Variants in MYBL2 observed in about 807,000 individuals in gnomAD.
MYBL2 encodes MYB proto-oncogene like 2.
MYBL2 carries 28 observed loss-of-function variants against 79.9 expected under a neutral mutation model. That is an observed-to-expected ratio of 0.35 (90% confidence interval 0.26 to 0.48). The LOEUF (loss-of-function observed/expected upper bound fraction) is 0.48. MYBL2 is among the 20% of genes least tolerant of loss of function. The pLI, the probability that MYBL2 is intolerant of heterozygous loss-of-function variation, is 0.99. For synonymous variants in MYBL2, 378 were observed against 361.2 expected (o/e 1.05, Z -0.53); for missense variants, 735 against 893.9 (o/e 0.82, Z 2.27).
intron 12 of MYBL2, among the ~76,000 whole-genome samples, chr20:43,713,938 G>A (rs531080324): frequency 6.6e-5 from 10 of 152,296 alleles, no homozygotes; most frequent in African/African-American, 1.9e-4. Context: ...GCATGGCGGC[G>A]TCATGAACAA....
At chr20:43,681,163 A>T (rs553905084) in intron 2 of MYBL2, among the ~76,000 whole-genome samples, 1 of 152,272 alleles carries the variant, frequency 6.6e-6, no homozygotes, top group South Asian at 2.1e-4. Flanking sequence ...CTGTCTTCTA[A>T]CTACTCTTGT....
At chr20:43,706,510 G>T (rs1294248475) in intron 9 of MYBL2, among the ~76,000 whole-genome samples, 1 of 151,854 alleles carries the variant, frequency 6.6e-6, no homozygotes, top group Non-Finnish European at 1.5e-5. Context: ...AATCAGCTCA[G>T]GAATTTTAGC....
chr20:43,699,060 CAG>C (rs770035297), intron 6 of MYBL2, among the ~76,000 whole-genome samples: 203 of 152,020 alleles, frequency 1.3e-3, no homozygotes, highest in Non-Finnish European at 2.4e-3. Flanking sequence ...TTTTTTGAGA[CAG>C]AGTTTTGCTC....
intron 2 of MYBL2, among the ~76,000 whole-genome samples, chr20:43,678,673 A>G (rs906376614): frequency 1.3e-5 from 2 of 151,960 alleles, no homozygotes; most frequent in Admixed American, 6.6e-5. Flanking sequence ...CCTGGCCAAC[A>G]TGGCTGAATC....
chr20:43,673,754 T>A lies in MYBL2; in HGVS notation c.21-52T>A, dbSNP rs373909923. 21 of 1,546,410 alleles carry A rather than the reference T, an allele frequency of 1.4e-5. No individual in the cohort carries two copies. In the South Asian group the frequency reaches 2.4e-4, roughly 18 times the overall value. ...GCCGCTGCCTACACGTTCTCCATTA[T>A]GTAAAACATATGGACACACCATCCT... is the stretch of plus-strand genomic sequence containing the variant. On this transcript the variant is annotated intron_variant, in intron 1 of 13. Transcript: ENST00000217026.
At chr20:43,688,183 A>G (rs978799569) in intron 5 of MYBL2, among the ~76,000 whole-genome samples, 1 of 149,382 alleles carries the variant, frequency 6.7e-6, no homozygotes, top group Admixed American at 6.7e-5. Flanking sequence ...CTTTTCTGGC[A>G]CTCTTTTTTT....
Position 43,681,774 on chromosome 20 carries a change from G to A in MYBL2, c.115-10G>A. The A allele has an allele frequency of 1.9e-6, 3 of 1,614,206 alleles. No individual in the cohort carries two copies. Among genetic ancestry groups the A allele is most frequent in the Non-Finnish European group, 1.7e-6 (2 of 1,180,016 alleles). ...TGTGTGCTGAGCCCCTGTCTTTCTG[G>A]TGTTGGCAGGACGAGCAGCTGAGGG... On this transcript the variant is annotated splice_polypyrimidine_tract_variant and intron_variant, in intron 2 of 13. Coordinates refer to ENST00000217026, the MANE Select transcript of MYBL2 (RefSeq NM_002466.4).
rs563115899 is a variant in MYBL2, at chr20:43,712,224, C to G, written c.1719+623C>G. Among the ~76,000 whole-genome samples the G allele has an allele frequency of 3.3e-5, 5 of 152,246 alleles. No homozygotes were observed. In the South Asian group the frequency reaches 1.0e-3, roughly 32 times the overall value. On this transcript the variant is annotated intron_variant, in intron 11 of 13. Coordinates refer to ENST00000217026, the MANE Select transcript of MYBL2 (RefSeq NM_002466.4). Reference sequence around the variant, plus strand: ...CGTCGTTAGCTTTCATGACAGTGCGCGATCCCTTCGAGTCTCCTAGTGCTC... The same window carrying G: ...CGTCGTTAGCTTTCATGACAGTGCGGGATCCCTTCGAGTCTCCTAGTGCTC...
intron 5 of MYBL2, among the ~76,000 whole-genome samples, chr20:43,690,669 T>C (rs1379017519): frequency 6.6e-6 from 1 of 152,202 alleles, no homozygotes; most frequent in Non-Finnish European, 1.5e-5. Flanking sequence ...GTTAAGCTGT[T>C]ACTCTCTGTT....
chr20:43,716,198 C>A lies in MYBL2; in HGVS notation c.*111C>A. ...TGACCTCCTGCAGGGAGCCTTCTGC[C>A]ACCAGCCCCTCCCCAGACTCTCAGG... On this transcript the variant is annotated 3_prime_UTR_variant, in exon 14 of 14. Transcript: ENST00000217026. 1 of 1,527,376 alleles carries A rather than the reference C, an allele frequency of 6.5e-7. No homozygotes were observed. The highest frequency in any genetic ancestry group is 8.8e-7 in the Non-Finnish European group (1 of 1,131,836). 94.6% of individuals were successfully genotyped at this position (1,527,376 alleles called of 1,614,324 possible). A position where few individuals can be genotyped will look rare whatever the true frequency, so the allele number is the denominator to read the frequency against.
Position 43,667,174 on chromosome 20 carries a change from C to A in MYBL2, c.-110C>A. The A allele has an allele frequency of 1.5e-6, 1 of 685,580 alleles. No individual in the cohort carries two copies. The highest frequency in any genetic ancestry group is 1.9e-6 in the Non-Finnish European group (1 of 517,290). The allele number at this position is 685,580 out of a possible 1,614,324, so 42.5% of individuals were successfully genotyped here. A position where few individuals can be genotyped will look rare whatever the true frequency, so the allele number is the denominator to read the frequency against. On this transcript the variant is annotated 5_prime_UTR_variant, in exon 1 of 14. Transcript: ENST00000217026. ...GCTGACACGCTGACGCCTTCGAGCG[C>A]GGCCCGGGGCCCGGAGCGGCCGGAG...
chr20:43,710,095 C>A, intron 10 of MYBL2, 33 bp downstream of exon 10: 1 of 1,522,814 alleles, frequency 6.6e-7, no homozygotes, highest in East Asian at 2.3e-5. Flanking sequence ...TGGATCTCTG[C>A]ACAGTGGGAT....
chr20:43,679,912 C>CA (rs3092365), intron 2 of MYBL2, among the ~76,000 whole-genome samples: 57 of 144,322 alleles, frequency 3.9e-4, no homozygotes, highest in African/African-American at 7.4e-4. Context: ...GACCCTATCT[C>CA]AAAAAAAAAA....
intron 8 of MYBL2, among the ~76,000 whole-genome samples, chr20:43,704,136 C>T (rs1418038155): frequency 3.3e-5 from 5 of 151,992 alleles, no homozygotes; most frequent in African/African-American, 9.7e-5. Flanking sequence ...GCCTCAGGCT[C>T]CTGAGCAGCT....
chr20:43,709,897 G>C lies in MYBL2; in HGVS notation c.1506-66G>C, dbSNP rs562182901. 15 of 1,335,952 alleles carry C rather than the reference G, an allele frequency of 1.1e-5. No homozygotes were observed. In the East Asian group the frequency reaches 3.5e-4, roughly 31 times the overall value. The allele number at this position is 1,335,952 out of a possible 1,614,324, so 82.8% of individuals were successfully genotyped here. A position where few individuals can be genotyped will look rare whatever the true frequency, so the allele number is the denominator to read the frequency against. ...GTCGCACTGGGGGAAGGTGGAGCCA[G>C]GGCAGCAGAGTGCCTGGCGTCGGCC... On this transcript the variant is annotated intron_variant, in intron 9 of 13. Coordinates refer to ENST00000217026, the MANE Select transcript of MYBL2 (RefSeq NM_002466.4).
chr20:43,687,679 AT>A (rs1222451879), intron 5 of MYBL2, among the ~76,000 whole-genome samples: 1 of 152,076 alleles, frequency 6.6e-6, no homozygotes, highest in East Asian at 1.9e-4. Flanking sequence ...CCCACTCCCC[AT>A]ATGTCCCTAT....
chr20:43,712,331 G>A (rs1020701589), intron 11 of MYBL2, among the ~76,000 whole-genome samples: 1 of 152,184 alleles, frequency 6.6e-6, no homozygotes, highest in Non-Finnish European at 1.5e-5. Flanking sequence ...GGAGGTGGGC[G>A]GTCAGCCTGG....
chr20:43,707,960 C>T (rs561939981), intron 9 of MYBL2, among the ~76,000 whole-genome samples: 5 of 152,262 alleles, frequency 3.3e-5, no homozygotes, highest in East Asian at 1.9e-4. Context: ...CCTTAATCTT[C>T]GGAGAACATG....
At chr20:43,713,182 A>G (rs374443215) in intron 12 of MYBL2, 76 bp downstream of exon 12, 14 of 1,143,318 alleles carry the variant, frequency 1.2e-5, no homozygotes, top group Non-Finnish European at 1.6e-5. Flanking sequence ...TGACTCTCCA[A>G]CTGGGCTTCT....
Sources: allele counts gnomAD v4.1 joint callset (sites outside exome capture counted in the v4.1 genomes callset), GRCh38; gene constraint gnomAD v4.1.1; transcripts MANE v1.5; gene names NCBI Gene and HGNC (gene_info 2026-07-23, HGNC 2026-07-21).